Variants in CCL17 observed in about 807,000 individuals in gnomAD.
CCL17 encodes C-C motif chemokine ligand 17.
In CCL17, 8 loss-of-function variants were observed where a neutral mutation model predicts 7.4. That is an observed-to-expected ratio of 1.09 (90% CI 0.64 to 1.96). The LOEUF is 1.96. Among genes scored for constraint, CCL17 ranks in the 30% most tolerant of loss-of-function variants. The pLI is 0.00. For synonymous variants in CCL17, 40 were observed against 46.1 expected (o/e 0.87, Z 0.54); for missense variants, 102 against 113.0 (o/e 0.90, Z 0.44).
intron 1 of CCL17, among the ~76,000 whole-genome samples, chr16:57,407,822 A>G (rs1902719957): frequency 6.6e-6 from 1 of 151,554 alleles, no homozygotes; most frequent in Non-Finnish European, 1.5e-5. Context: ...CCGTCTGTCC[A>G]TCCATTCATT....
chr16:57,400,196 A>G (rs1902572369), upstream of CCL17, among the ~76,000 whole-genome samples: 1 of 152,080 alleles, frequency 6.6e-6, no homozygotes, highest in Non-Finnish European at 1.5e-5. Context: ...TATCTCTACT[A>G]AAAATACAAA....
intron 1 of CCL17, among the ~76,000 whole-genome samples, chr16:57,412,313 G>C (rs552740833): frequency 6.6e-6 from 1 of 152,276 alleles, no homozygotes; most frequent in African/African-American, 2.4e-5. Context: ...GGCAGCCCTT[G>C]CTGAGGGGTG....
chr16:57,412,877 G>C (rs1170697996), intron 1 of CCL17, among the ~76,000 whole-genome samples: 1 of 152,156 alleles, frequency 6.6e-6, no homozygotes, highest in Non-Finnish European at 1.5e-5. Flanking sequence ...CTGTGGCCTG[G>C]GGCTGAGACG....
At chr16:57,402,641 G>C (rs879185868), upstream of CCL17, among the ~76,000 whole-genome samples, 1 of 152,204 alleles carries the variant, frequency 6.6e-6, no homozygotes, top group Non-Finnish European at 1.5e-5. Context: ...CTTGGAAAGA[G>C]AGTCAGACTC....
At chr16:57,397,650 T>A in the CCL17 span, among the ~76,000 whole-genome samples, 2 of 152,240 alleles carry the variant, frequency 1.3e-5, no homozygotes, top group Non-Finnish European at 2.9e-5. Context: ...TCTTGTGGTA[T>A]TTAATGGGAG....
At chr16:57,400,299 C>A (rs1024236904), upstream of CCL17, among the ~76,000 whole-genome samples, 1 of 151,916 alleles carries the variant, frequency 6.6e-6, no homozygotes, top group Non-Finnish European at 1.5e-5. Flanking sequence ...GCGGAGCTTG[C>A]AGTGAGCTGA....
the CCL17 span, among the ~76,000 whole-genome samples, chr16:57,396,435 C>T: frequency 3.9e-5 from 6 of 152,122 alleles, no homozygotes; most frequent in South Asian, 2.1e-4. Flanking sequence ...CTCCAGTGAG[C>T]GGCTGGAAAG....
At chr16:57,409,528 T>C (rs1251688955) in intron 1 of CCL17, among the ~76,000 whole-genome samples, 1 of 151,980 alleles carries the variant, frequency 6.6e-6, no homozygotes, top group Non-Finnish European at 1.5e-5. Context: ...CAATGGGCTT[T>C]TGAGAGGAAG....
chr16:57,403,659 T>TA (rs1364365066), upstream of CCL17, among the ~76,000 whole-genome samples: 2 of 89,764 alleles, frequency 2.2e-5, no homozygotes, highest in African/African-American at 9.5e-5. Flanking sequence ...ATAATATATA[T>TA]ATATATATAT....
upstream of CCL17, among the ~76,000 whole-genome samples, chr16:57,400,378 A>G (rs1902576231): frequency 6.6e-6 from 1 of 152,042 alleles, no homozygotes; most frequent in South Asian, 2.1e-4. Context: ...ATTATAAAAT[A>G]TAAAAGAAAA....
chr16:57,398,300 C>CTTA, the CCL17 span, among the ~76,000 whole-genome samples: 1 of 152,196 alleles, frequency 6.6e-6, no homozygotes, highest in East Asian at 1.9e-4. Flanking sequence ...AATTTCCTTA[C>CTTA]TTAGGTATGC....
chr16:57,396,469 G>T, the CCL17 span, among the ~76,000 whole-genome samples: 2 of 152,152 alleles, frequency 1.3e-5, no homozygotes, highest in African/African-American at 4.8e-5. Flanking sequence ...AAACTGAGTG[G>T]CTCCCTGTGT....
chr16:57,414,410 CTTTTTT>C (rs71152269), intron 2 of CCL17, among the ~76,000 whole-genome samples: 2,856 of 75,892 alleles, frequency 0.038, 39 homozygotes, highest in Middle Eastern at 0.14. Flanking sequence ...AAAAAGGATT[CTTTTTT>C]TTTTTTTTTT....
upstream of CCL17, among the ~76,000 whole-genome samples, chr16:57,403,450 TA>T (rs1309467482): frequency 9.0e-5 from 1 of 11,090 alleles, no homozygotes; most frequent in African/African-American, 3.8e-4. Context: ...ATATATATTA[TA>T]TTATAATATA....
Position 57,415,668 on chromosome 16 carries a change from A to T in CCL17, c.189-97A>T. Reference sequence around the variant, plus strand: ...AGCAGCAACTTCCTGCCCCTCTTGGAGCCTTGGAATCCTGGTCAGCACAGG... The same window carrying T: ...AGCAGCAACTTCCTGCCCCTCTTGGTGCCTTGGAATCCTGGTCAGCACAGG... On this transcript the variant is annotated intron_variant, in intron 3 of 3. Coordinates refer to ENST00000219244, the MANE Select transcript of CCL17 (RefSeq NM_002987.3). This position sits in a 1 kb window ranked among gnomAD's most constrained non-coding sequence, Gnocchi z 4.5. The T allele has an allele frequency of 1.3e-6, 1 of 765,060 alleles. No individual in the cohort carries two copies. The highest frequency in any genetic ancestry group is 1.7e-5 in the African/African-American group (1 of 58,184). The allele number at this position is 765,060 out of a possible 1,614,324, so 47.4% of individuals were successfully genotyped here.
At chr16:57,405,772 G>T (rs570295826) in intron 1 of CCL17, among the ~76,000 whole-genome samples, 1 of 152,032 alleles carries the variant, frequency 6.6e-6, no homozygotes, top group Middle Eastern at 3.4e-3. Context: ...GGTGGCTCAC[G>T]CCTGTAATCC....
At chr16:57,396,503 A>G in the CCL17 span, among the ~76,000 whole-genome samples, 6 of 152,248 alleles carry the variant, frequency 3.9e-5, no homozygotes, top group East Asian at 1.2e-3. Flanking sequence ...TGGAGAAAAA[A>G]TCGTTTTGTA....
At chr16:57,406,951 A>G (rs2092497526) in intron 1 of CCL17, among the ~76,000 whole-genome samples, 1 of 152,176 alleles carries the variant, frequency 6.6e-6, no homozygotes. Flanking sequence ...GGAGGGGATC[A>G]AGAGGCTCAG....
chr16:57,408,025 C>T (rs117310737), intron 1 of CCL17, among the ~76,000 whole-genome samples: 1,945 of 151,602 alleles, frequency 0.013, 19 homozygotes, highest in Middle Eastern at 0.024. Flanking sequence ...ATCTACCCAT[C>T]CATCCATCTA....
Sources: allele counts gnomAD v4.1 joint callset (sites outside exome capture counted in the v4.1 genomes callset), GRCh38; gene constraint gnomAD v4.1.1; non-coding constraint Gnocchi (gnomAD v3.1); transcripts MANE v1.5; gene names NCBI Gene and HGNC (gene_info 2026-07-23, HGNC 2026-07-21).